TXLNB: variants seen among roughly 807,000 people sequenced by gnomAD.
TXLNB encodes the protein beta-taxilin.
In TXLNB, 37 loss-of-function variants were observed where a neutral mutation model predicts 57.4. That is an observed-to-expected ratio of 0.64 (90% confidence interval 0.50 to 0.85). The LOEUF (loss-of-function observed/expected upper bound fraction) is 0.85, where lower values mean the gene tolerates loss of function less well. Among genes scored for constraint, TXLNB ranks in the 40% least tolerant of loss-of-function variants. The pLI, the probability that TXLNB is intolerant of heterozygous loss-of-function variation, is 0.00. For synonymous variants in TXLNB, 302 were observed against 309.6 expected (o/e 0.98, Z 0.26); for missense variants, 848 against 825.6 (o/e 1.03, Z -0.33).
At chr6:139,212,876 C>T in the TXLNB span, among the ~76,000 whole-genome samples, 9 of 152,060 alleles carry the variant, frequency 5.9e-5, no homozygotes, top group Non-Finnish European at 1.2e-4. Flanking sequence ...TCAAAAGAGA[C>T]AAAGAAGGCC....
At chr6:139,174,011 A>G in the TXLNB span, among the ~76,000 whole-genome samples, 5 of 152,312 alleles carry the variant, frequency 3.3e-5, no homozygotes, top group South Asian at 1.0e-3. Flanking sequence ...TTAAGTCTCT[A>G]TATGCTAAAC....
At chr6:139,193,258 T>TTTTTTTTTA in the TXLNB span, among the ~76,000 whole-genome samples, 4 of 149,774 alleles carry the variant, frequency 2.7e-5, no homozygotes, top group Admixed American at 2.0e-4. Context: ...TTTTTTTTTT[T>TTTTTTTTTA]TTATCATTGT....
the TXLNB span, among the ~76,000 whole-genome samples, chr6:139,304,717 A>C: frequency 6.6e-6 from 1 of 152,244 alleles, no homozygotes; most frequent in African/African-American, 2.4e-5. Flanking sequence ...AACAATGAAG[A>C]GAGTCCAGCC....
chr6:139,249,526 C>T (rs1250128175), intron 7 of TXLNB, among the ~76,000 whole-genome samples: 2 of 152,152 alleles, frequency 1.3e-5, no homozygotes, highest in African/African-American at 4.8e-5. Context: ...AAGGAAGGCA[C>T]CGACCGGTGT....
In TXLNB at chr6:139,242,712, T is replaced by A. The variant is rs746971725; in HGVS notation, c.1869A>T (p.Leu623=). The A allele has an allele frequency of 2.5e-6, 4 of 1,612,350 alleles. No individual in the cohort carries two copies. Among genetic ancestry groups the A allele is most frequent in the Non-Finnish European group, 2.5e-6 (3 of 1,179,438 alleles). ...QAPQAPTEAS[L]QKMEADVPAP... is the part of the protein sequence containing the mutation. ...CAGGCACATCTGCCTCCATCTTCTG[T>A]AGGGAGGCCTCGGTGGGAGCCTGTG... The change falls in exon 10 of 10, where the codon CTA becomes CTT. Residue 623 remains leucine (L), a synonymous_variant. Coordinates refer to ENST00000358430, the MANE Select transcript of TXLNB (RefSeq NM_153235.4).
At chr6:139,323,729 A>T in the TXLNB span, among the ~76,000 whole-genome samples, 16 of 151,962 alleles carry the variant, frequency 1.1e-4, no homozygotes, top group Non-Finnish European at 2.9e-5. Flanking sequence ...TTACTTACCA[A>T]CTTCCGCTGC....
chr6:139,226,027 G>A, the TXLNB span, among the ~76,000 whole-genome samples: 9 of 151,964 alleles, frequency 5.9e-5, no homozygotes, highest in Admixed American at 3.3e-4. Flanking sequence ...GGTCAGGTGC[G>A]GTGACTCACA....
chr6:139,261,840 A>T (rs922891419), intron 5 of TXLNB, among the ~76,000 whole-genome samples: 1 of 151,344 alleles, frequency 6.6e-6, no homozygotes, highest in Admixed American at 6.6e-5. Context: ...TATCATTATT[A>T]TTACAATGAT....
chr6:139,260,245 C>A, intron 6 of TXLNB, 73 bp downstream of exon 6: 3 of 1,505,940 alleles, frequency 2.0e-6, no homozygotes, highest in East Asian at 2.3e-5. Context: ...TAAATAAATA[C>A]AAAACAACTT....
the TXLNB span, among the ~76,000 whole-genome samples, chr6:139,195,131 GT>G: frequency 2.0e-5 from 3 of 152,080 alleles, no homozygotes; most frequent in Non-Finnish European, 4.4e-5. Flanking sequence ...GGCCATCTAT[GT>G]TTCTTAGTTC....
chr6:139,299,529 T>C, the TXLNB span, among the ~76,000 whole-genome samples: 2 of 152,152 alleles, frequency 1.3e-5, no homozygotes, highest in African/African-American at 4.8e-5. Context: ...GTTTCTTCCT[T>C]CCCTCCCCTC....
chr6:139,293,236 C>A (rs762234633), upstream of TXLNB, among the ~76,000 whole-genome samples: 1 of 152,068 alleles, frequency 6.6e-6, no homozygotes, highest in African/African-American at 2.4e-5. Context: ...GGATTACAGG[C>A]GCCTGCCACC....
chr6:139,292,097 C>T (rs1385212780), upstream of TXLNB: 3 of 154,014 alleles, frequency 1.9e-5, no homozygotes, highest in Non-Finnish European at 2.9e-5. This position sits in a 1 kb window ranked among gnomAD's most constrained non-coding sequence, Gnocchi z 4.0. Context: ...CACACACACA[C>T]ACACACACAC....
the TXLNB span, chr6:139,177,585 C>G: frequency 6.5e-6 from 1 of 152,944 alleles, no homozygotes; most frequent in Non-Finnish European, 1.5e-5. The surrounding 1 kb of genome is among the most constrained non-coding windows in gnomAD (Gnocchi z 4.9). Context: ...GCCTAGTGTT[C>G]TGCAGCACAC....
chr6:139,315,199 C>T, the TXLNB span, among the ~76,000 whole-genome samples: 1 of 152,150 alleles, frequency 6.6e-6, no homozygotes, highest in East Asian at 1.9e-4. Flanking sequence ...ATGATTCCAT[C>T]TCCAACCTGA....
chr6:139,227,320 A>G, the TXLNB span, among the ~76,000 whole-genome samples: 1 of 147,752 alleles, frequency 6.8e-6, no homozygotes, highest in African/African-American at 2.5e-5. Context: ...GCCTGGAGAA[A>G]GAGTGAGACT....
chr6:139,314,489 C>G, the TXLNB span, among the ~76,000 whole-genome samples: 128 of 152,334 alleles, frequency 8.4e-4, no homozygotes, highest in Non-Finnish European at 1.6e-3. Context: ...CCAGACGAAG[C>G]CAATGTCTAC....
At chr6:139,226,302 CAA>C in the TXLNB span, among the ~76,000 whole-genome samples, 5 of 39,244 alleles carry the variant, frequency 1.3e-4, no homozygotes, top group African/African-American at 5.6e-4. Flanking sequence ...GACCCTGTCT[CAA>C]AAAAAAAAAA....
the TXLNB span, among the ~76,000 whole-genome samples, chr6:139,212,353 C>A: frequency 1.3e-3 from 199 of 152,144 alleles, no homozygotes; most frequent in Non-Finnish European, 2.4e-3. Context: ...AATTTTCAAC[C>A]CAGAATTTCA....
Sources: gnomAD v4.1 joint callset for allele counts (sites outside exome capture counted in the v4.1 genomes callset) on GRCh38, gnomAD v4.1.1 for gene constraint, Gnocchi (gnomAD v3.1) non-coding constraint, MANE v1.5 for transcripts, NCBI Gene and HGNC (gene_info 2026-07-23, HGNC 2026-07-21) for gene names.